RPS24: variants seen among roughly 807,000 people sequenced by gnomAD.
RPS24 encodes ribosomal protein S24.
For missense variants in RPS24, 100 were observed against 162.5 expected (o/e 0.62, Z 2.09); for synonymous variants, 72 against 55.6 (o/e 1.30, Z -1.31).
intron 1 of RPS24, chr10:78,034,558 G>A (rs988354119): frequency 6.5e-6 from 1 of 153,846 alleles, no homozygotes; most frequent in African/African-American, 2.4e-5. Context: ...ATTTAATTTG[G>A]TGTGGTTTCT....
At chr10:78,047,770 G>C (rs919265777) in intron 4 of RPS24, among the ~76,000 whole-genome samples, 9 of 152,218 alleles carry the variant, frequency 5.9e-5, no homozygotes, top group Non-Finnish European at 5.9e-5. Flanking sequence ...GCAGCTTGCG[G>C]TTTCTATTGG....
At chr10:78,039,287 AG>A (rs1403392947) in intron 4 of RPS24, 4 of 152,248 alleles carry the variant, frequency 2.6e-5, no homozygotes, top group African/African-American at 7.2e-5. Flanking sequence ...CTAGGTCTGA[AG>A]GACATTTAAC....
downstream of RPS24, among the ~76,000 whole-genome samples, chr10:78,044,880 C>T (rs940005971): frequency 4.0e-5 from 6 of 151,714 alleles, no homozygotes; most frequent in African/African-American, 9.7e-5. Flanking sequence ...TTTCACATGC[C>T]GAGTTCCTCC....
At chr10:78,034,317 G>A (rs1847811044) in intron 1 of RPS24, 2 of 286,978 alleles carry the variant, frequency 7.0e-6, no homozygotes, top group Non-Finnish European at 6.7e-6. Context: ...GCGAGTTGCG[G>A]CAAGTGAAAC....
exon 5 of RPS24, chr10:78,055,080 C>T: frequency 2.1e-6 from 3 of 1,449,388 alleles, no homozygotes; most frequent in Non-Finnish European, 2.7e-6. Flanking sequence ...CTCCACTCAG[C>T]AGCCAGCAGG....
downstream of RPS24, among the ~76,000 whole-genome samples, chr10:78,042,054 G>C (rs1847991779): frequency 6.6e-6 from 1 of 152,208 alleles, no homozygotes; most frequent in African/African-American, 2.4e-5. Flanking sequence ...TGGCAGTCTT[G>C]CTGTGAGCCT....
At chr10:78,049,457 A>G (rs1023413607) in intron 4 of RPS24, among the ~76,000 whole-genome samples, 5 of 152,196 alleles carry the variant, frequency 3.3e-5, no homozygotes, top group African/African-American at 1.2e-4. Flanking sequence ...TGCCTTGAAC[A>G]GTGAGGTTGC....
At chr10:78,048,632 G>A (rs1367233433) in intron 4 of RPS24, among the ~76,000 whole-genome samples, 4 of 152,056 alleles carry the variant, frequency 2.6e-5, no homozygotes, top group African/African-American at 4.8e-5. Context: ...CTGTAATCAC[G>A]TTGGGAGGCC....
intron 4 of RPS24, chr10:78,039,626 G>T (rs1268326216): frequency 6.4e-6 from 1 of 156,832 alleles, no homozygotes; most frequent in Non-Finnish European, 1.4e-5. Context: ...TAAGGCATTA[G>T]TAGTCTCATA....
chr10:78,053,217 G>A (rs1196545503), intron 4 of RPS24, among the ~76,000 whole-genome samples: 1 of 151,452 alleles, frequency 6.6e-6, no homozygotes, highest in Non-Finnish European at 1.5e-5. Context: ...AAAAAACCTC[G>A]GAGCTAATGG....
downstream of RPS24, among the ~76,000 whole-genome samples, chr10:78,044,857 G>A (rs1419128958): frequency 3.3e-5 from 5 of 151,480 alleles, no homozygotes; most frequent in African/African-American, 1.2e-4. Flanking sequence ...TTCTGCAGTG[G>A]ATTGTGTGTT....
exon 5 of RPS24, chr10:78,054,860 G>C: frequency 6.5e-7 from 1 of 1,550,356 alleles, no homozygotes; most frequent in African/African-American, 1.4e-5. Flanking sequence ...ACGGTGACTT[G>C]GTCCTCCACT....
chr10:78,036,808 A>G (rs542650862), intron 3 of RPS24, among the ~76,000 whole-genome samples: 38 of 152,112 alleles, frequency 2.5e-4, no homozygotes, highest in Admixed American at 4.6e-4. Flanking sequence ...GGGGGTTGTA[A>G]ATGCTTGTCT....
chr10:78,048,986 C>T (rs1474079054), intron 4 of RPS24: 1 of 152,116 alleles, frequency 6.6e-6, no homozygotes, highest in Non-Finnish European at 1.5e-5. Flanking sequence ...ATCAGGCCTC[C>T]TTGGAGCGGG....
In RPS24 at chr10:78,033,920, C is replaced by A. The variant is rs369706377; in HGVS notation, c.3+16C>A. 9 of 1,613,874 alleles carry A rather than the reference C, an allele frequency of 5.6e-6. No individual in the cohort carries two copies. The African/African-American group carries it at 8.0e-5, about 14-fold the overall frequency. On this transcript the variant is annotated intron_variant, in intron 1 of 5. Transcript: ENST00000372360. ...CGCCATCATGGTGAGTCTCCCTGGG[C>A]CCGTGCAGTCATCTGCCGCGTATCC... is the stretch of plus-strand genomic sequence containing the variant.
exon 5 of RPS24, chr10:78,056,230 T>C (rs1848148465): frequency 6.6e-6 from 1 of 152,034 alleles, no homozygotes; most frequent in African/African-American, 2.4e-5. Context: ...TTGGTGTTGG[T>C]GAATAAGGGT....
intron 1 of RPS24, among the ~76,000 whole-genome samples, chr10:78,035,012 TA>T: frequency 6.6e-6 from 1 of 152,190 alleles, no homozygotes; most frequent in East Asian, 1.9e-4. Flanking sequence ...TTTTTATAGT[TA>T]TTCTAAAACA....
At chr10:78,049,837 T>C (rs1848081884) in intron 4 of RPS24, among the ~76,000 whole-genome samples, 1 of 152,182 alleles carries the variant, frequency 6.6e-6, no homozygotes, top group Non-Finnish European at 1.5e-5. Context: ...TGGGACTTAG[T>C]CTCCTGCAAC....
downstream of RPS24, among the ~76,000 whole-genome samples, chr10:78,044,912 C>T (rs1044621442): frequency 2.6e-5 from 4 of 151,798 alleles, no homozygotes; most frequent in African/African-American, 7.3e-5. Context: ...ACTTTGGCAA[C>T]GCTCTGGCTG....
Sources: gnomAD v4.1 joint callset for allele counts (sites outside exome capture counted in the v4.1 genomes callset) on GRCh38, gnomAD v4.1.1 for gene constraint, MANE v1.5 for transcripts, NCBI Gene and HGNC (gene_info 2026-07-23, HGNC 2026-07-21) for gene names.